The following MGAT4C variants were observed in gnomAD, a reference collection of about 807,000 sequenced individuals.
The protein encoded by MGAT4C is alpha-1,3-mannosyl-glycoprotein 4-beta-N-acetylglucosaminyltransferase C.
MGAT4C carries 19 observed loss-of-function variants against 40.1 expected under a neutral mutation model. The ratio of observed to expected loss-of-function variants is 0.47; its 90% CI spans 0.33 to 0.70. The LOEUF (loss-of-function observed/expected upper bound fraction) is 0.70, where lower values mean the gene tolerates loss of function less well. Among genes scored for constraint, MGAT4C ranks in the 30% least tolerant of loss-of-function variants. The pLI, the probability that MGAT4C is intolerant of heterozygous loss-of-function variation, is 0.02. For synonymous variants in MGAT4C, 181 were observed against 187.1 expected, an observed-to-expected ratio of 0.97 and a Z score of 0.27; for missense variants, 491 against 563.2, an observed-to-expected ratio of 0.87 and a Z score of 1.30.
chr12:86,416,814 C>T (rs1187057689), intron 3 of MGAT4C, among the ~76,000 whole-genome samples: 1 of 152,102 alleles, frequency 6.6e-6, no homozygotes, highest in Non-Finnish European at 1.5e-5. Flanking sequence ...TTGGTATCTA[C>T]AGCTGTAACT....
intron 2 of MGAT4C, among the ~76,000 whole-genome samples, chr12:86,554,212 T>C (rs530939169): frequency 6.6e-6 from 1 of 152,190 alleles, no homozygotes; most frequent in African/African-American, 2.4e-5. Flanking sequence ...TTTCTCATAT[T>C]TCTTAAAAGT....
intron 1 of MGAT4C, among the ~76,000 whole-genome samples, chr12:86,803,027 A>G (rs1419462712): frequency 7.5e-6 from 1 of 133,366 alleles, no homozygotes. Context: ...CTACAAGGCT[A>G]CAGTAACCAA....
chr12:86,379,798 T>C (rs945329269), intron 3 of MGAT4C, among the ~76,000 whole-genome samples: 26 of 152,114 alleles, frequency 1.7e-4, no homozygotes, highest in African/African-American at 6.3e-4. Flanking sequence ...TCTTTTATCT[T>C]TTTCCTATTT....
chr12:86,476,807 C>T (rs899549760), intron 2 of MGAT4C, among the ~76,000 whole-genome samples: 3 of 151,992 alleles, frequency 2.0e-5, no homozygotes, highest in Non-Finnish European at 4.4e-5. Flanking sequence ...GGACACTGTC[C>T]TAAGCAAATT....
At chr12:86,726,021 C>A (rs1220900022) in intron 2 of MGAT4C, among the ~76,000 whole-genome samples, 3 of 152,138 alleles carry the variant, frequency 2.0e-5, no homozygotes, top group Non-Finnish European at 4.4e-5. Flanking sequence ...AAATCCTTCA[C>A]AAAAGAATGT....
chr12:86,054,558 T>C (rs1893205747), intron 1 of MGAT4C, among the ~76,000 whole-genome samples: 1 of 151,994 alleles, frequency 6.6e-6, no homozygotes, highest in Admixed American at 6.6e-5. Context: ...TACTTGAAAA[T>C]TGCTAAGACT....
intron 2 of MGAT4C, among the ~76,000 whole-genome samples, chr12:86,668,675 C>T (rs748206130): frequency 6.6e-6 from 1 of 152,170 alleles, no homozygotes; most frequent in Admixed American, 6.5e-5. Flanking sequence ...GGATAGGGGC[C>T]TCCACAGCCA....
chr12:86,453,005 A>C lies in MGAT4C; in HGVS notation c.-228-17740T>G, dbSNP rs561205402. Among the ~76,000 whole-genome samples, 49 of 151,760 alleles carry C rather than the reference A, an allele frequency of 3.2e-4. No individual in the cohort carries two copies. In the South Asian group the frequency reaches 0.01, roughly 32 times the overall value. On this transcript the variant is annotated intron_variant, in intron 2 of 7. Coordinates refer to the MGAT4C transcript ENST00000548651. ...CAGTCACATGAGTTTTGCATTTAAA[A>C]CTCTTATTGTTGCTCTTCATGAGGG...
At chr12:86,495,916 T>C (rs914836726) in intron 2 of MGAT4C, among the ~76,000 whole-genome samples, 1 of 151,972 alleles carries the variant, frequency 6.6e-6, no homozygotes, top group East Asian at 1.9e-4. Context: ...TTTTTACCAA[T>C]TCCTCTTCCT....
chr12:86,553,678 C>G (rs1026907447), intron 2 of MGAT4C, among the ~76,000 whole-genome samples: 1 of 152,120 alleles, frequency 6.6e-6, no homozygotes, highest in Non-Finnish European at 1.5e-5. Context: ...CATGACTACA[C>G]GTTTTTTCTC....
At chr12:86,538,692 C>T (rs1959117410) in intron 2 of MGAT4C, among the ~76,000 whole-genome samples, 1 of 150,488 alleles carries the variant, frequency 6.6e-6, no homozygotes, top group Non-Finnish European at 1.5e-5. Flanking sequence ...ACTGCAAGCT[C>T]CACCTCCCAG....
At chr12:86,344,707 A>C (rs1039742105) in intron 3 of MGAT4C, among the ~76,000 whole-genome samples, 2 of 140,432 alleles carry the variant, frequency 1.4e-5, no homozygotes, top group East Asian at 2.1e-4. Context: ...ATATAGTTCT[A>C]TCTCTTCTCG....
chr12:86,078,407 T>C (rs1870184882), intron 1 of MGAT4C, among the ~76,000 whole-genome samples: 1 of 152,208 alleles, frequency 6.6e-6, no homozygotes, highest in Non-Finnish European at 1.5e-5. Context: ...AATACCATGA[T>C]GGTGGATAAG....
At chr12:86,263,116 T>C (rs1180409247) in intron 4 of MGAT4C, among the ~76,000 whole-genome samples, 1 of 152,118 alleles carries the variant, frequency 6.6e-6, no homozygotes, top group Non-Finnish European at 1.5e-5. Context: ...ACCCCATAAA[T>C]TGGTAGATGA....
chr12:86,346,942 C>A (rs1955047555), intron 3 of MGAT4C, among the ~76,000 whole-genome samples: 1 of 152,144 alleles, frequency 6.6e-6, no homozygotes, highest in Admixed American at 6.6e-5. Context: ...ATGCTTCCTG[C>A]CCTTGAACAT....
chr12:86,231,901 G>A (rs1373975641), intron 1 of MGAT4C, among the ~76,000 whole-genome samples: 3 of 152,118 alleles, frequency 2.0e-5, no homozygotes, highest in African/African-American at 4.8e-5. Context: ...CACTTTGGGA[G>A]GCCAAGGCGG....
At chr12:86,313,458 C>T (rs1275459892) in intron 4 of MGAT4C, among the ~76,000 whole-genome samples, 2 of 152,046 alleles carry the variant, frequency 1.3e-5, no homozygotes, top group East Asian at 1.9e-4. Flanking sequence ...AAAATAGTGT[C>T]GAAGTCAGTT....
chr12:86,604,886 C>T (rs1166809085), intron 2 of MGAT4C, among the ~76,000 whole-genome samples: 1 of 152,138 alleles, frequency 6.6e-6, no homozygotes, highest in Non-Finnish European at 1.5e-5. Context: ...CTCTAGGGAG[C>T]ATGTACCATG....
At chr12:86,275,583 T>C (rs907177292) in intron 4 of MGAT4C, among the ~76,000 whole-genome samples, 5 of 152,056 alleles carry the variant, frequency 3.3e-5, no homozygotes, top group Non-Finnish European at 5.9e-5. Flanking sequence ...ATTATACAAA[T>C]TGATCCAATG....
Sources: allele counts gnomAD v4.1 joint callset (sites outside exome capture counted in the v4.1 genomes callset), GRCh38; gene constraint gnomAD v4.1.1; transcripts MANE v1.5; gene names NCBI Gene and HGNC (gene_info 2026-07-23, HGNC 2026-07-21).